The following CNBD1 variants were observed in gnomAD, a reference collection of about 807,000 sequenced individuals.
The protein encoded by CNBD1 is cyclic nucleotide-binding domain-containing protein 1.
CNBD1 carries 71 observed loss-of-function variants against 54.4 expected under a neutral mutation model. The ratio of observed to expected loss-of-function variants is 1.30; its 90% confidence interval spans 1.08 to 1.59. CNBD1 has a LOEUF of 1.59. Among genes scored for constraint, CNBD1 ranks in the 40% most tolerant of loss-of-function variants. CNBD1 has a pLI of 0.00. For synonymous variants in CNBD1, 182 were observed against 170.7 expected, an observed-to-expected ratio of 1.07 and a Z score of -0.51; for missense variants, 659 against 518.0, an observed-to-expected ratio of 1.27 and a Z score of -2.64.
rs116055428 is a variant in CNBD1 at position 87,361,541 on chromosome 8, T to C, written c.1303+7755T>C. Reference sequence around the variant, plus strand: ...AATGCTTACAAATATTGATATCTAATGTTTATATAGTTTTAGGAAGGGAAA... The same window carrying C: ...AATGCTTACAAATATTGATATCTAACGTTTATATAGTTTTAGGAAGGGAAA... On this transcript the variant is annotated intron_variant, in intron 10 of 10. Coordinates refer to ENST00000518476, the MANE Select transcript of CNBD1 (RefSeq NM_173538.3). 9.7e-3 allele frequency among the ~76,000 whole-genome samples: 1,475 copies of C among 151,922 alleles called. 20 individuals carry two copies. Among genetic ancestry groups the C allele is most frequent in the African/African-American group, 0.033 (1,354 of 41,532 alleles).
At chr8:87,260,277 C>G (rs1051333289) in intron 6 of CNBD1, among the ~76,000 whole-genome samples, 5 of 152,124 alleles carry the variant, frequency 3.3e-5, no homozygotes, top group African/African-American at 1.2e-4. Flanking sequence ...CATGTGGTTA[C>G]AAGGTTAAGC....
In CNBD1 at chr8:87,129,427, T is replaced by C. The variant is rs76601735; in HGVS notation, c.432-76566T>C. On this transcript the variant is annotated intron_variant, in intron 4 of 10. Coordinates refer to ENST00000518476, the MANE Select transcript of CNBD1 (RefSeq NM_173538.3). ...TATTGATTTTTTTCTGGATTGAATT[T>C]TGGTACTTTGTGTCTTTTAAGAAAT... Among the ~76,000 whole-genome samples the C allele has an allele frequency of 4.4e-3, 669 of 152,238 alleles. 6 individuals are homozygous for C. The highest frequency in any genetic ancestry group is 0.015 in the African/African-American group (634 of 41,544).
chr8:87,152,572 C>G (rs181449690), intron 4 of CNBD1, among the ~76,000 whole-genome samples: 1 of 151,952 alleles, frequency 6.6e-6, no homozygotes, highest in African/African-American at 2.4e-5. Flanking sequence ...AGGCTGGTAT[C>G]GAACCAACCT....
intron 3 of CNBD1, among the ~76,000 whole-genome samples, chr8:86,915,950 G>T (rs1739494362): frequency 6.6e-6 from 1 of 152,188 alleles, no homozygotes; most frequent in Admixed American, 6.6e-5. Flanking sequence ...AGATACTGTA[G>T]GGAGAGAAAT....
intron 2 of CNBD1, among the ~76,000 whole-genome samples, chr8:87,421,009 T>C (rs1267409876): frequency 2.6e-5 from 4 of 152,086 alleles, no homozygotes; most frequent in Admixed American, 2.6e-4. Flanking sequence ...AAATCAAGAA[T>C]CAAAATTCTG....
At chr8:87,422,732 G>A (rs1365755603) in intron 2 of CNBD1, among the ~76,000 whole-genome samples, 2 of 152,080 alleles carry the variant, frequency 1.3e-5, no homozygotes, top group Non-Finnish European at 2.9e-5. Context: ...TGTTCTTTTG[G>A]CTTAGGATTG....
intron 8 of CNBD1, among the ~76,000 whole-genome samples, chr8:87,347,931 A>T (rs1398013836): frequency 6.6e-6 from 1 of 152,190 alleles, no homozygotes; most frequent in African/African-American, 2.4e-5. Flanking sequence ...TTATTTTAGT[A>T]AGTTCTTTGG....
intron 2 of CNBD1, among the ~76,000 whole-genome samples, chr8:86,890,553 G>C (rs1017747323): frequency 7.2e-5 from 11 of 152,116 alleles, no homozygotes; most frequent in Admixed American, 2.0e-4. Context: ...ACATGGGAAT[G>C]CAGATATCTC....
chr8:87,417,343 AG>A (rs1807854517), intron 2 of CNBD1, among the ~76,000 whole-genome samples: 1 of 152,006 alleles, frequency 6.6e-6, no homozygotes, highest in Admixed American at 6.6e-5. Flanking sequence ...CATGACATGT[AG>A]GGATTATGGG....
chr8:87,228,240 T>C (rs1814557501), intron 5 of CNBD1, among the ~76,000 whole-genome samples: 2 of 150,924 alleles, frequency 1.3e-5, no homozygotes, highest in Non-Finnish European at 2.9e-5. Flanking sequence ...TTCTCTCAGC[T>C]CGTCAAAGTC....
At chr8:87,370,280 C>G (rs1274916623) in intron 10 of CNBD1, among the ~76,000 whole-genome samples, 2 of 152,042 alleles carry the variant, frequency 1.3e-5, no homozygotes, top group Non-Finnish European at 2.9e-5. Context: ...ATTTCTAGTT[C>G]TAGATCCCTG....
chr8:87,077,542 T>A (rs140389672), intron 4 of CNBD1, among the ~76,000 whole-genome samples: 3,242 of 146,526 alleles, frequency 0.022, 135 homozygotes, highest in African/African-American at 0.079. Flanking sequence ...GTATTTCTCC[T>A]AATGCTATCC....
chr8:86,973,332 C>G (rs767688037), intron 4 of CNBD1, among the ~76,000 whole-genome samples: 5 of 152,204 alleles, frequency 3.3e-5, no homozygotes, highest in African/African-American at 4.8e-5. Flanking sequence ...AAACATCTAT[C>G]TATACATGGA....
chr8:86,937,734 A>T (rs374653166), intron 3 of CNBD1, among the ~76,000 whole-genome samples: 1 of 151,638 alleles, frequency 6.6e-6, no homozygotes, highest in Non-Finnish European at 1.5e-5. Flanking sequence ...CCATGAAACC[A>T]TTTTTTCCTC....
chr8:86,992,263 A>AT lies in CNBD1; in HGVS notation c.431+52510dup, dbSNP rs369141063. On this transcript the variant is annotated intron_variant, in intron 4 of 10. Coordinates refer to ENST00000518476, the MANE Select transcript of CNBD1 (RefSeq NM_173538.3). ...AAATTATACGCCTTATCGTTAGGTA[A>AT]TGCCCTTTTTTGTTCTTTTTAATTT... is the stretch of plus-strand genomic sequence containing the variant. Among the ~76,000 whole-genome samples, 406 of 152,040 alleles carry AT rather than the reference A, an allele frequency of 2.7e-3. 3 individuals carry two copies. The Middle Eastern group carries it at 0.031, about 12-fold the overall frequency.
chr8:87,415,136 A>G (rs1223218389), intron 2 of CNBD1, among the ~76,000 whole-genome samples: 1 of 152,064 alleles, frequency 6.6e-6, no homozygotes, highest in African/African-American at 2.4e-5. Context: ...TACCACATGT[A>G]CATTGATTTC....
intron 6 of CNBD1, among the ~76,000 whole-genome samples, chr8:87,258,820 G>A (rs551870773): frequency 9.9e-5 from 15 of 152,140 alleles, no homozygotes; most frequent in African/African-American, 3.6e-4. Context: ...AAACCCTGTT[G>A]TGCTTTTATT....
Position 87,401,832 on chromosome 8 carries a change from A to G in CNBD1, c.214-26714A>G, listed in dbSNP as rs115619628. On this transcript the variant is annotated intron_variant, in intron 2 of 7. Transcript: ENST00000521593. ...TGCTTTTCCACATTAAGGAACACCA[A>G]TATCATTTGATAATTAAACACAGAA... 7.4e-4 allele frequency among the ~76,000 whole-genome samples: 113 copies of G among 152,182 alleles called. 1 individual carries two copies. Among genetic ancestry groups the G allele is most frequent in the African/African-American group, 2.6e-3 (107 of 41,570 alleles).
intron 6 of CNBD1, among the ~76,000 whole-genome samples, chr8:87,242,551 G>C (rs1807728968): frequency 6.6e-6 from 1 of 152,126 alleles, no homozygotes; most frequent in East Asian, 1.9e-4. Context: ...CACTCAGAAT[G>C]TCTGTGAATC....
Sources: gnomAD v4.1 joint callset for allele counts (sites outside exome capture counted in the v4.1 genomes callset) on GRCh38, gnomAD v4.1.1 for gene constraint, MANE v1.5 for transcripts, NCBI Gene and HGNC (gene_info 2026-07-23, HGNC 2026-07-21) for gene names.